Variants in CD36 observed in about 807,000 individuals in gnomAD.
The protein encoded by CD36 is platelet glycoprotein 4.
In CD36, 119 loss-of-function variants were observed where a neutral mutation model predicts 55.2. The ratio of observed to expected loss-of-function variants is 2.15; its 90% confidence interval spans 1.86 to 2.51. The LOEUF (loss-of-function observed/expected upper bound fraction) is 2.51, where lower values mean the gene tolerates loss of function less well. Ranked by LOEUF, CD36 falls within the 30% of genes most tolerant of loss-of-function variation. The pLI is 0.00. For missense variants in CD36, 819 were observed against 555.5 expected (o/e 1.47, Z -4.77); for synonymous variants, 186 against 193.6 (o/e 0.96, Z 0.33).
At chr7:80,673,774 A>C (rs1181280106) in intron 13 of CD36, 1 of 595,660 alleles carries the variant, frequency 1.7e-6, no homozygotes, top group African/African-American at 1.9e-5. Context: ...CTGAAGAGCA[A>C]ATGAATCCTA....
chr7:80,663,816 A>T (rs1796752985), intron 6 of CD36, among the ~76,000 whole-genome samples: 1 of 152,154 alleles, frequency 6.6e-6, no homozygotes, highest in Non-Finnish European at 1.5e-5. Context: ...TTCATTTGGC[A>T]CTATATGTGA....
At chr7:80,618,592 A>G (rs1793294879) in intron 1 of CD36, among the ~76,000 whole-genome samples, 1 of 152,204 alleles carries the variant, frequency 6.6e-6, no homozygotes, top group Non-Finnish European at 1.5e-5. Context: ...CACAAAGGAT[A>G]AGAAAGTCAA....
At chr7:80,622,105 A>G (rs559654539) in intron 1 of CD36, among the ~76,000 whole-genome samples, 13 of 152,308 alleles carry the variant, frequency 8.5e-5, no homozygotes, top group African/African-American at 2.6e-4. Context: ...CCCCATACCC[A>G]GCCACATGGG....
intron 1 of CD36, among the ~76,000 whole-genome samples, chr7:80,627,180 C>G (rs1793790407): frequency 6.6e-6 from 1 of 152,036 alleles, no homozygotes; most frequent in Admixed American, 6.6e-5. Flanking sequence ...GACAATGCTA[C>G]ATTTGATTAT....
upstream of CD36, among the ~76,000 whole-genome samples, chr7:80,636,039 AT>A (rs770514011): frequency 2.6e-5 from 4 of 152,136 alleles, no homozygotes; most frequent in Non-Finnish European, 5.9e-5. Context: ...TCAGTGGTGA[AT>A]TAAACAGACA....
intron 8 of CD36, among the ~76,000 whole-genome samples, chr7:80,668,553 A>C (rs1043831660): frequency 3.3e-5 from 5 of 152,222 alleles, no homozygotes; most frequent in African/African-American, 9.6e-5. Context: ...AGGACAGAAA[A>C]AAAGCTCTGC....
In CD36 at chr7:80,656,630, CA is replaced by C; in HGVS notation, c.215del (p.Asn72IlefsTer5). ...VYRQFWIFDVQNPQEVMMNSS... is the reference protein window; with the variant it reads ...VYRQFWIFDVXNPQEVMMNSS... ...CAGACAGTTTTGGATCTTTGATGTGCAAAATCCACAGGAAGTGATGATGAAC... is the reference window on the plus strand; with the variant it reads ...CAGACAGTTTTGGATCTTTGATGTGCAAATCCACAGGAAGTGATGATGAAC... On this transcript the variant is annotated frameshift_variant, in exon 4 of 15. Transcript: ENST00000447544. LOFTEE classifies it high-confidence loss of function. 6.2e-7 allele frequency: 1 copy of C among 1,613,656 alleles called. No individual in the cohort carries two copies. The highest frequency in any genetic ancestry group is 8.5e-7 in the Non-Finnish European group (1 of 1,179,716).
intron 1 of CD36, among the ~76,000 whole-genome samples, chr7:80,603,333 G>T (rs1231305286): frequency 1.3e-5 from 2 of 152,034 alleles, no homozygotes; most frequent in Admixed American, 6.6e-5. Flanking sequence ...TTACAAAAAA[G>T]GTCACTTTCT....
chr7:80,621,666 G>C (rs1793478184), intron 1 of CD36, among the ~76,000 whole-genome samples: 1 of 152,038 alleles, frequency 6.6e-6, no homozygotes, highest in South Asian at 2.1e-4. Context: ...AAGAACACTA[G>C]AGAATCAAAA....
chr7:80,643,117 G>T (rs770892181), intron 1 of CD36, among the ~76,000 whole-genome samples: 5 of 152,042 alleles, frequency 3.3e-5, no homozygotes, highest in Non-Finnish European at 5.9e-5. Context: ...ACTACTCCCT[G>T]GTTTCTTCAG....
chr7:80,673,291 T>TTAAAGTTTGTTATATATA (rs1797899508), intron 12 of CD36, 64 bp from the exon 13 acceptor site: 1 of 752,418 alleles, frequency 1.3e-6, no homozygotes, highest in Admixed American at 2.3e-5. Flanking sequence ...AACATTTATT[T>TTAAAGTTTGTTATATATA]TAAAGTTTGT....
At chr7:80,674,327 T>TATC (rs1056563845) in intron 14 of CD36, 180 bp downstream of exon 14, 3 of 563,088 alleles carry the variant, frequency 5.3e-6, no homozygotes, top group South Asian at 2.1e-5. Context: ...CACTAAAGTA[T>TATC]ATCTTTAATT....
In CD36 at chr7:80,663,178, C is replaced by A; in HGVS notation, c.609+9C>A. 6.2e-7 allele frequency: 1 copy of A among 1,602,828 alleles called. No individual in the cohort carries two copies. Among genetic ancestry groups the A allele is most frequent in the Non-Finnish European group, 8.5e-7 (1 of 1,169,970 alleles). Reference sequence around the variant, plus strand: ...TTGGTCTGTTTTATCCTGTAAGTACCAAATATGAATGGCAATATTATTACA... The same window carrying A: ...TTGGTCTGTTTTATCCTGTAAGTACAAAATATGAATGGCAATATTATTACA... On this transcript the variant is annotated intron_variant, in intron 6 of 14. Coordinates refer to ENST00000447544, the MANE Select transcript of CD36 (RefSeq NM_001001548.3).
chr7:80,671,223 G>T, intron 10 of CD36, 59 bp downstream of exon 10: 2 of 1,169,728 alleles, frequency 1.7e-6, no homozygotes, highest in South Asian at 2.6e-5. Flanking sequence ...TCTTTAAGAT[G>T]AGAACTTTAC....
upstream of CD36, among the ~76,000 whole-genome samples, chr7:80,638,240 A>C (rs917667179): frequency 6.6e-6 from 1 of 151,962 alleles, no homozygotes; most frequent in Non-Finnish European, 1.5e-5. Context: ...TAAGTTTCGC[A>C]AGCTCAGTCA....
chr7:80,628,335 T>C (rs1793865025), intron 1 of CD36, among the ~76,000 whole-genome samples: 1 of 152,028 alleles, frequency 6.6e-6, no homozygotes, highest in East Asian at 1.9e-4. Context: ...CCTACTCTCT[T>C]GCTACTTATG....
At chr7:80,645,181 C>T (rs547091624) in intron 1 of CD36, among the ~76,000 whole-genome samples, 6 of 151,560 alleles carry the variant, frequency 4.0e-5, no homozygotes, top group African/African-American at 7.3e-5. Context: ...CCACCAAGCC[C>T]GGCTAACTTT....
intron 7 of CD36, among the ~76,000 whole-genome samples, 166 bp downstream of exon 7, chr7:80,664,663 G>A (rs1190397901): frequency 6.6e-6 from 1 of 151,970 alleles, no homozygotes; most frequent in Non-Finnish European, 1.5e-5. Context: ...CTTTAGTTGT[G>A]GTAACTGGTG....
rs1426679589 is a variant in CD36 at position 80,632,184 on chromosome 7, TGCTGTGCCACTCAAGTGCA to T, written c.-183-13902_-183-13884del. ...TTCCTTTGAAATTATTAGCAGAAGCTGCTGTGCCACTCAAGTGCAGGGTTTGTGCCAAATAATTCTGTGA... is the reference window on the plus strand; with the variant it reads ...TTCCTTTGAAATTATTAGCAGAAGCTGGGTTTGTGCCAAATAATTCTGTGA... On this transcript the variant is annotated intron_variant, in intron 1 of 13. Coordinates refer to the CD36 transcript ENST00000309881. Among the ~76,000 whole-genome samples the T allele has an allele frequency of 1.1e-4, 17 of 151,850 alleles. No individual in the cohort carries two copies. The East Asian group carries it at 2.5e-3, about 23-fold the overall frequency.
Sources: allele counts gnomAD v4.1 joint callset (sites outside exome capture counted in the v4.1 genomes callset), GRCh38; gene constraint gnomAD v4.1.1; transcripts MANE v1.5; gene names NCBI Gene and HGNC (gene_info 2026-07-23, HGNC 2026-07-21).